The following ERCC4 variants were observed in gnomAD, a reference collection of about 807,000 sequenced individuals.
The protein encoded by ERCC4 is DNA repair endonuclease XPF.
In ERCC4, 65 loss-of-function variants were observed where a neutral mutation model predicts 76.9. The observed-to-expected ratio is 0.84, with a 90% CI of 0.69 to 1.04. The LOEUF (loss-of-function observed/expected upper bound fraction) is 1.04. ERCC4 is among the 50% of genes least tolerant of loss of function. The probability of loss-of-function intolerance (pLI) is 0.00; values close to 1 mark genes in which losing one functional copy is unlikely to be tolerated. For synonymous variants in ERCC4, 463 were observed against 410.1 expected (o/e 1.13, Z -1.56); for missense variants, 1,214 against 1,128.2 (o/e 1.08, Z -1.09).
At chr16:13,921,417 G>A (rs989602592) in intron 1 of ERCC4, among the ~76,000 whole-genome samples, 4 of 152,136 alleles carry the variant, frequency 2.6e-5, no homozygotes, top group Admixed American at 2.0e-4. Flanking sequence ...TCAGGTGGCC[G>A]GGAGAAAAAT....
At chr16:13,938,918 G>A (rs1000902937) in intron 9 of ERCC4, among the ~76,000 whole-genome samples, 1 of 152,266 alleles carries the variant, frequency 6.6e-6, no homozygotes, top group African/African-American at 2.4e-5. Context: ...CCACGATGGG[G>A]GTCAGCATGG....
intron 8 of ERCC4, among the ~76,000 whole-genome samples, chr16:13,936,879 A>C (rs2032307690): frequency 1.3e-5 from 2 of 151,942 alleles, no homozygotes; most frequent in Non-Finnish European, 1.5e-5. Context: ...TTAGCAACAA[A>C]CAAGATGGAA....
rs533310107 is a variant in ERCC4, at chr16:13,948,610, C to T, written c.*263C>T. 3 of 483,494 alleles carry T rather than the reference C, an allele frequency of 6.2e-6. No individual in the cohort carries two copies. In the South Asian group the frequency reaches 6.5e-5, roughly 10 times the overall value. 30.0% of individuals were successfully genotyped at this position (483,494 alleles called of 1,614,324 possible). On this transcript the variant is annotated 3_prime_UTR_variant, in exon 11 of 11. Coordinates refer to ENST00000311895, the MANE Select transcript of ERCC4 (RefSeq NM_005236.3). ...CTTTTTAAATGAGGTTTGTCAGGAT[C>T]AGGTAAAGTTCCTACAAGTGATTAC... is the stretch of plus-strand genomic sequence containing the variant.
chr16:13,934,164 A>G (rs2032237434), intron 6 of ERCC4, 28 bp from the exon 7 acceptor site: 5 of 1,407,764 alleles, frequency 3.6e-6, no homozygotes, highest in Non-Finnish European at 5.0e-6. Context: ...ATTATCACAT[A>G]GAATGAGATA....
Position 13,935,214 on chromosome 16 carries a change from G to A in ERCC4, c.1282G>A (p.Ala428Thr), listed in dbSNP as rs1259969619. Reference protein sequence around the residue: ...SQLRDYITLGAEAFLLRLYRK... With the variant: ...SQLRDYITLGTEAFLLRLYRK... ...GCTGAGAGACTATATCACTCTTGGAGCGGAGGCCTTCTTATTGAGGCTCTA... is the reference window on the plus strand; with the variant it reads ...GCTGAGAGACTATATCACTCTTGGAACGGAGGCCTTCTTATTGAGGCTCTA... The change falls in exon 8 of 11, where the codon GCG (alanine) becomes ACG (threonine). Residue 428 changes from alanine to threonine, a missense_variant. Transcript: ENST00000311895. 10 of 1,613,952 alleles carry A rather than the reference G, an allele frequency of 6.2e-6. No individual in the cohort carries two copies. The highest frequency in any genetic ancestry group is 1.1e-5 in the South Asian group (1 of 91,092).
intron 9 of ERCC4, among the ~76,000 whole-genome samples, chr16:13,943,091 A>T (rs1017021855): frequency 1.3e-5 from 2 of 152,044 alleles, no homozygotes; most frequent in African/African-American, 4.8e-5. Flanking sequence ...TACTAATAAT[A>T]TATTTGCATT....
intron 6 of ERCC4, chr16:13,933,955 T>G (rs1249419743): frequency 4.5e-6 from 2 of 442,294 alleles, no homozygotes; most frequent in African/African-American, 4.0e-5. Context: ...TTAGTGACCA[T>G]GCATATAACT....
intron 4 of ERCC4, 67 bp from the exon 5 acceptor site, chr16:13,930,643 A>G: frequency 1.7e-6 from 2 of 1,154,634 alleles, no homozygotes; most frequent in Non-Finnish European, 2.6e-6. Context: ...TTTTGAAAGT[A>G]TGATTTGTAT....
At chr16:13,936,611 C>T (rs760189248) in intron 8 of ERCC4, among the ~76,000 whole-genome samples, 13 of 152,206 alleles carry the variant, frequency 8.5e-5, no homozygotes, top group Non-Finnish European at 7.3e-5. Flanking sequence ...CAGAAGGGAC[C>T]TGGGAGTTCA....
rs913784636 is a variant in ERCC4, at chr16:13,950,229, G to A, written c.*1882G>A. ...ACCCACCTTGGCCTCCCAAAGTGCTGAGATAACAGGCGTGAGCCACCGCAC... is the reference window on the plus strand; with the variant it reads ...ACCCACCTTGGCCTCCCAAAGTGCTAAGATAACAGGCGTGAGCCACCGCAC... On this transcript the variant is annotated 3_prime_UTR_variant, in exon 11 of 11. Transcript: ENST00000311895. The A allele has an allele frequency of 5.3e-6, 1 of 189,266 alleles. No individual in the cohort carries two copies. Among genetic ancestry groups the A allele is most frequent in the Admixed American group, 6.2e-5 (1 of 16,226 alleles). 11.7% of individuals were successfully genotyped at this position (189,266 alleles called of 1,614,324 possible). A position where few individuals can be genotyped will look rare whatever the true frequency, so the allele number is the denominator to read the frequency against.
chr16:13,923,158 C>T (rs1263447782), intron 2 of ERCC4, among the ~76,000 whole-genome samples: 1 of 152,156 alleles, frequency 6.6e-6, no homozygotes, highest in Non-Finnish European at 1.5e-5. Flanking sequence ...GTCCCCAAAG[C>T]TAATGTAGGG....
intron 6 of ERCC4, chr16:13,933,064 A>C (rs1416599524): frequency 4.8e-6 from 2 of 416,240 alleles, no homozygotes; most frequent in East Asian, 7.6e-5. Flanking sequence ...AAAAAAAAAA[A>C]AAACACAAAA....
Position 13,935,230 on chromosome 16 carries a change from T to C in ERCC4, c.1298T>C (p.Leu433Ser). Residue 433 changes from leucine to serine, a missense_variant, in exon 8 of 11, where the codon TTG becomes TCG. By Grantham distance (145) the Leu-to-Ser change is moderately radical. Coordinates refer to ENST00000311895, the MANE Select transcript of ERCC4 (RefSeq NM_005236.3). ...YITLGAEAFL[L>S]RLYRKTFEKD... Reference sequence around the variant, plus strand: ...ACTCTTGGAGCGGAGGCCTTCTTATTGAGGCTCTACAGGAAAACCTTTGAG... The same window carrying C: ...ACTCTTGGAGCGGAGGCCTTCTTATCGAGGCTCTACAGGAAAACCTTTGAG... 3 of 1,614,088 alleles carry C rather than the reference T, an allele frequency of 1.9e-6. No individual in the cohort carries two copies. Among genetic ancestry groups the C allele is most frequent in the Non-Finnish European group, 2.5e-6 (3 of 1,180,010 alleles).
rs373510515 is a variant in ERCC4 at position 13,948,032 on chromosome 16, G to A, written c.2436G>A (p.Leu812=). Residue 812 remains leucine, a synonymous_variant, in exon 11 of 11, where the codon TTG becomes TTA. Coordinates refer to ENST00000311895, the MANE Select transcript of ERCC4 (RefSeq NM_005236.3). ...WCPSPHATAE[L]FEELKQSKPQ... ...CCTCTCCTCATGCAACGGCGGAGTT[G>A]TTTGAGGAGCTGAAACAAAGCAAGC... 28 of 1,614,014 alleles carry A rather than the reference G, an allele frequency of 1.7e-5. No homozygotes were observed. Among genetic ancestry groups the A allele is most frequent in the South Asian group, 1.3e-4 (12 of 91,088 alleles).
In ERCC4 at chr16:13,920,337, C is replaced by G; in HGVS notation, c.172C>G (p.Leu58Val). Reference protein sequence around the residue: ...FLQLHCHPACLVLVLNTQPAE... With the variant: ...FLQLHCHPACVVLVLNTQPAE... ...CCAGCTGCACTGCCACCCAGCCTGCCTGGTGCTGGTGCTCAACACGCAGCC... is the reference window on the plus strand; with the variant it reads ...CCAGCTGCACTGCCACCCAGCCTGCGTGGTGCTGGTGCTCAACACGCAGCC... Residue 58 changes from leucine to valine, a missense_variant, in exon 1 of 11, where the codon CTG (leucine) becomes GTG (valine). Physicochemically the swap from Leu to Val is conservative, Grantham distance 32. Transcript: ENST00000311895. 1 of 1,595,958 alleles carries G rather than the reference C, an allele frequency of 6.3e-7. No individual in the cohort carries two copies. The highest frequency in any genetic ancestry group is 8.5e-7 in the Non-Finnish European group (1 of 1,177,740).
At chr16:13,936,924 T>C (rs1267322486) in intron 8 of ERCC4, among the ~76,000 whole-genome samples, 1 of 151,098 alleles carries the variant, frequency 6.6e-6, no homozygotes, top group Non-Finnish European at 1.5e-5. Flanking sequence ...TTTTTTTTTT[T>C]TCTTTGAGGC....
At chr16:13,947,575 A>T in intron 10 of ERCC4, 39 bp from the exon 11 acceptor site, 2 of 1,610,650 alleles carry the variant, frequency 1.2e-6, no homozygotes, top group Non-Finnish European at 1.7e-6. Flanking sequence ...CTTCTTTGAG[A>T]GTTCTTCCCC....
chr16:13,947,714 T>C lies in ERCC4; in HGVS notation c.2118T>C (p.Ile706=), dbSNP rs777766206. Residue 706 remains isoleucine (I), a synonymous_variant, in exon 11 of 11, where the codon ATT becomes ATC. Coordinates refer to ENST00000311895, the MANE Select transcript of ERCC4 (RefSeq NM_005236.3). ...PSLIHRRGID[I]EPVTLEVGDY... The stretch of plus-strand genomic sequence containing the variant: ...TGATCCATCGTCGGGGCATTGACAT[T>C]GAACCCGTGACTTTAGAGGTTGGAG... 45 of 1,614,118 alleles carry C rather than the reference T, an allele frequency of 2.8e-5. No individual in the cohort carries two copies. Among genetic ancestry groups the C allele is most frequent in the Admixed American group, 1.3e-4 (8 of 60,014 alleles).
At position 13,920,283 on chromosome 16, in the gene ERCC4, G is replaced by T. The variant is rs1313683808; in HGVS notation, c.118G>T (p.Gly40Cys). Reference sequence around the variant, plus strand: ...GCTAGTAGTGTGCGCCCGCGGGCTCGGCGCGGACCGGCTCCTCTACCACTT... The same window carrying T: ...GCTAGTAGTGTGCGCCCGCGGGCTCTGCGCGGACCGGCTCCTCTACCACTT... ...DGLVVCARGL[G>C]ADRLLYHFLQ... The change falls in exon 1 of 11, where the codon GGC (glycine) becomes TGC (cysteine). Residue 40 changes from glycine (G) to cysteine (C), a missense_variant. Gly to Cys is a radical substitution (Grantham distance 159). Coordinates refer to ENST00000311895, the MANE Select transcript of ERCC4 (RefSeq NM_005236.3). The T allele has an allele frequency of 1.2e-6, 2 of 1,605,178 alleles. No individual in the cohort carries two copies.
Sources: gnomAD v4.1 joint callset for allele counts (sites outside exome capture counted in the v4.1 genomes callset) on GRCh38, gnomAD v4.1.1 for gene constraint, MANE v1.5 for transcripts, NCBI Gene and HGNC (gene_info 2026-07-23, HGNC 2026-07-21) for gene names.